The following DNAJC14 variants were observed in gnomAD, a reference collection of about 807,000 sequenced individuals.
DNAJC14 encodes the protein DnaJ heat shock protein family (Hsp40) member C14, also known as dnaJ homolog subfamily C member 14.
Under a neutral mutation model 68.8 loss-of-function variants are expected in DNAJC14, and 12 were observed. That is an observed-to-expected ratio of 0.17 (90% CI 0.11 to 0.28). The LOEUF is 0.28. DNAJC14 is among the 10% of genes least tolerant of loss of function. The pLI is 1.00. For missense variants in DNAJC14, 764 were observed against 875.6 expected (o/e 0.87, Z 1.61); for synonymous variants, 350 against 321.5 (o/e 1.09, Z -0.95).
In DNAJC14 at chr12:55,822,380, G is replaced by A. The variant is rs781027358; in HGVS notation, c.1891C>T (p.Arg631Trp). ...GACAGAAATACCACCTACCTCTGCCGCCCTCTGGTGCCTGGAATCCGAGAA... is the reference window on the plus strand; with the variant it reads ...GACAGAAATACCACCTACCTCTGCCACCCTCTGGTGCCTGGAATCCGAGAA... Reference protein sequence around the residue: ...FGSRIPGTRGRQRATPDAPPA... With the variant: ...FGSRIPGTRGWQRATPDAPPA... Residue 631 changes from arginine to tryptophan, a missense_variant, in exon 6 of 7, where the codon CGG (arginine) becomes TGG (tryptophan). By Grantham distance (101) the Arg-to-Trp change is moderately radical (BLOSUM62 -3). Around this residue, in one of 4 missense-constraint regions of DNAJC14, gnomAD observed 134 missense variants for 162.3 expected, o/e 0.83. Coordinates refer to ENST00000678005, the MANE Select transcript of DNAJC14 (RefSeq NM_032364.6). 3.3e-5 allele frequency: 54 copies of A among 1,612,174 alleles called. No homozygotes were observed. Among genetic ancestry groups the A allele is most frequent in the Non-Finnish European group, 4.1e-5 (48 of 1,179,890 alleles).
At chr12:55,826,438 C>CCAAAGTGCTGGGAT (rs1037378771) in intron 2 of DNAJC14, among the ~76,000 whole-genome samples, 7 of 151,744 alleles carry the variant, frequency 4.6e-5, no homozygotes, top group African/African-American at 1.7e-4. Flanking sequence ...GCCTGGCCTC[C>CCAAAGTGCTGGGAT]CAAAGTGCTG....
chr12:55,828,648 T>C lies in DNAJC14; in HGVS notation c.11A>G (p.Lys4Arg). MAQ[K>R]HPGERGLYGA... is the part of the protein sequence containing the mutation. ...ATACAACCCTCTTTCTCCGGGGTGC[T>C]TCTGGGCCATGACCCCGGGGCTTCC... The change falls in exon 2 of 7, where the codon AAG becomes AGG. Residue 4 changes from lysine to arginine, a missense_variant. By Grantham distance (26) the Lys-to-Arg change is conservative (BLOSUM62 2). This residue lies in a region of DNAJC14 where 514 missense variants were observed against 521.7 expected (regional missense o/e 0.99). Transcript: ENST00000678005. 5.0e-6 allele frequency: 8 copies of C among 1,612,678 alleles called. No individual in the cohort carries two copies. Among genetic ancestry groups the C allele is most frequent in the Non-Finnish European group, 6.8e-6 (8 of 1,178,968 alleles).
At chr12:55,823,638 C>G in intron 2 of DNAJC14, 130 bp from the exon 3 acceptor site, 2 of 698,036 alleles carry the variant, frequency 2.9e-6, no homozygotes, top group Admixed American at 2.5e-5. Context: ...ATTAACTGCT[C>G]TGACTCTGCA....
intron 2 of DNAJC14, among the ~76,000 whole-genome samples, chr12:55,826,948 G>A (rs1880812344): frequency 6.6e-6 from 1 of 152,096 alleles, no homozygotes; most frequent in African/African-American, 2.4e-5. Context: ...ACAGCACTTT[G>A]GGAGGCTGAG....
chr12:55,830,173 T>C (rs1476612849), upstream of DNAJC14: 1 of 152,036 alleles, frequency 6.6e-6, no homozygotes, highest in Non-Finnish European at 1.5e-5. Flanking sequence ...CTGCCCCTTA[T>C]ACCTGGATCC....
At position 55,827,961 on chromosome 12, in the gene DNAJC14, C is replaced by T. The variant is rs1165470177; in HGVS notation, c.698G>A (p.Arg233His). ...LGRKRSQADKRKGLGLWGAEE... is the reference protein window; with the variant it reads ...LGRKRSQADKHKGLGLWGAEE... ...GGCTCCCCACAATCCCAGGCCTTTGCGCTTATCTGCCTGACTTCGTTTCCG... is the reference window on the plus strand; with the variant it reads ...GGCTCCCCACAATCCCAGGCCTTTGTGCTTATCTGCCTGACTTCGTTTCCG... Residue 233 changes from arginine to histidine, a missense_variant, in exon 2 of 7, where the codon CGC becomes CAC. By Grantham distance (29) the Arg-to-His change is conservative. Transcript: ENST00000678005. 3 of 1,611,830 alleles carry T rather than the reference C, an allele frequency of 1.9e-6. No homozygotes were observed. Among genetic ancestry groups the T allele is most frequent in the South Asian group, 1.1e-5 (1 of 90,804 alleles).
At chr12:55,830,262 A>G (rs1427106592), upstream of DNAJC14, 1 of 152,080 alleles carries the variant, frequency 6.6e-6, no homozygotes, top group African/African-American at 2.4e-5. Flanking sequence ...CTCGGCTCAG[A>G]ACTTTGCCCG....
At position 55,822,656 on chromosome 12, in the gene DNAJC14, C is replaced by T; in HGVS notation, c.1711G>A (p.Gly571Arg). The stretch of plus-strand genomic sequence containing the variant: ...ATGCTTGACTCTGCCCAAAAGTCTC[C>T]TTCCTCAGCAGGATGCAGCCTATTA... Reference protein sequence around the residue: ...ECNRLHPAEEGDFWAESSMLG... With the variant: ...ECNRLHPAEERDFWAESSMLG... Residue 571 changes from glycine (G) to arginine (R), a missense_variant, in exon 5 of 7, where the codon GGA becomes AGA. Gly to Arg is a moderately radical substitution (Grantham distance 125). This residue lies in a region of DNAJC14 where 6 missense variants were observed against 28.9 expected (regional missense o/e 0.21). Coordinates refer to ENST00000678005, the MANE Select transcript of DNAJC14 (RefSeq NM_032364.6). The T allele has an allele frequency of 6.2e-7, 1 of 1,614,182 alleles. No individual in the cohort carries two copies. Among genetic ancestry groups the T allele is most frequent in the Non-Finnish European group, 8.5e-7 (1 of 1,180,032 alleles).
chr12:55,822,740 C>G lies in DNAJC14; in HGVS notation c.1635-8G>C, dbSNP rs200567712. On this transcript the variant is annotated splice_polypyrimidine_tract_variant and splice_region_variant and intron_variant, in intron 4 of 6. Transcript: ENST00000678005. ...CGGTCCATTTCAAACCTCCTGCAAC[C>G]AACAAAAGGATAGTTCCTTAATAAT... The G allele has an allele frequency of 4.0e-4, 650 of 1,613,534 alleles. No individual in the cohort carries two copies. Among genetic ancestry groups the G allele is most frequent in the Non-Finnish European group, 4.0e-4 (469 of 1,179,814 alleles).
In DNAJC14 at chr12:55,823,185, G is replaced by T. The variant is rs768051097; in HGVS notation, c.1519C>A (p.Arg507=). Residue 507 remains arginine, a synonymous_variant, in exon 4 of 7, where the codon CGA becomes AGA. Coordinates refer to ENST00000678005, the MANE Select transcript of DNAJC14 (RefSeq NM_032364.6). ...AEKRKEYEMK[R]MAENELSRSV... is the part of the protein sequence containing the mutation. ...CGGCTCAGCTCATTCTCTGCCATTCGTTTCCTAATAGAAGAAATGCTTTGT... is the reference window on the plus strand; with the variant it reads ...CGGCTCAGCTCATTCTCTGCCATTCTTTTCCTAATAGAAGAAATGCTTTGT... 2.5e-6 allele frequency: 4 copies of T among 1,614,040 alleles called. No homozygotes were observed. The Admixed American group carries it at 5.0e-5, about 20-fold the overall frequency.
intron 2 of DNAJC14, among the ~76,000 whole-genome samples, chr12:55,826,271 C>CTTTTTTTTTT (rs1164806475): frequency 4.7e-5 from 4 of 85,798 alleles, no homozygotes; most frequent in Admixed American, 1.4e-4. Flanking sequence ...GGGAAAATAT[C>CTTTTTTTTTT]TTTTTTTTTT....
chr12:55,829,075 G>A, intron 1 of DNAJC14: 2 of 991,634 alleles, frequency 2.0e-6, no homozygotes, highest in Non-Finnish European at 2.4e-6. Context: ...GGGCCATGCG[G>A]CCCTGGAGGA....
At position 55,822,518 on chromosome 12, in the gene DNAJC14, A is replaced by G. The variant is rs1880695987; in HGVS notation, c.1796-43T>C. On this transcript the variant is annotated intron_variant, in intron 5 of 6. Coordinates refer to ENST00000678005, the MANE Select transcript of DNAJC14 (RefSeq NM_032364.6). ...AATTAGCCAAAACGTCGCAGTTTAG[A>G]GCACATAAAAGATCAGGAAGTATGA... 5.6e-6 allele frequency: 9 copies of G among 1,613,826 alleles called. No individual in the cohort carries two copies. In the East Asian group the frequency reaches 1.6e-4, roughly 28 times the overall value.
chr12:55,829,071 T>C (rs777300113), intron 1 of DNAJC14: 2 of 991,216 alleles, frequency 2.0e-6, no homozygotes, highest in Non-Finnish European at 2.4e-6. Flanking sequence ...GTGGGGGCCA[T>C]GCGGCCCTGG....
chr12:55,829,074 G>C, intron 1 of DNAJC14: 1 of 991,926 alleles, frequency 1.0e-6, no homozygotes, highest in Non-Finnish European at 1.2e-6. Context: ...GGGGCCATGC[G>C]GCCCTGGAGG....
Position 55,827,442 on chromosome 12 carries a change from T to C in DNAJC14, c.1217A>G (p.Gln406Arg). Residue 406 changes from glutamine (Q) to arginine (R), a missense_variant, in exon 2 of 7, where the codon CAG becomes CGG. Coordinates refer to ENST00000678005, the MANE Select transcript of DNAJC14 (RefSeq NM_032364.6). ...WGWLELPWVK[Q>R]NINRQGNAPV... ...TGCATTCCCCTGCCTATTAATATTC[T>C]GCTTGACCCAAGGCAACTCCAGCCA... 1 of 1,607,634 alleles carries C rather than the reference T, an allele frequency of 6.2e-7. No homozygotes were observed. The highest frequency in any genetic ancestry group is 8.5e-7 in the Non-Finnish European group (1 of 1,175,948).
rs765918685 is a variant in DNAJC14 at position 55,827,886 on chromosome 12, A to T, written c.773T>A (p.Leu258Gln). The change falls in exon 2 of 7, where the codon CTG (leucine) becomes CAG (glutamine). Residue 258 changes from leucine (L) to glutamine (Q), a missense_variant. Around this residue, in one of 4 missense-constraint regions of DNAJC14, gnomAD observed 514 missense variants for 521.7 expected, o/e 0.99. Coordinates refer to ENST00000678005, the MANE Select transcript of DNAJC14 (RefSeq NM_032364.6). ...GQAGFWWLIE[L>Q]LVLVGEYVET... Reference sequence around the variant, plus strand: ...TACGTACTCTCCCACCAATACCAGCAGTTCAATCAGCCACCAAAAGCCTGC... The same window carrying T: ...TACGTACTCTCCCACCAATACCAGCTGTTCAATCAGCCACCAAAAGCCTGC... The T allele has an allele frequency of 1.8e-5, 29 of 1,610,166 alleles. No individual in the cohort carries two copies. The highest frequency in any genetic ancestry group is 1.6e-4 in the Middle Eastern group (1 of 6,064).
intron 4 of DNAJC14, among the ~76,000 whole-genome samples, 153 bp downstream of exon 4, chr12:55,822,917 T>C (rs113447598): frequency 1.1e-4 from 17 of 152,376 alleles, no homozygotes; most frequent in African/African-American, 3.6e-4. Context: ...ATCGTCAGTC[T>C]ATTGACAATA....
At chr12:55,829,696 A>G, upstream of DNAJC14, 6 of 805,474 alleles carry the variant, frequency 7.4e-6, no homozygotes, top group Non-Finnish European at 9.0e-6. Flanking sequence ...GCTGAGAGGC[A>G]AGCCAATCCA....
Sources: gnomAD v4.1 joint callset for allele counts (sites outside exome capture counted in the v4.1 genomes callset) on GRCh38, gnomAD v4.1.1 for gene constraint, gnomAD v4.1.1 regional missense constraint, MANE v1.5 for transcripts, NCBI Gene and HGNC (gene_info 2026-07-23, HGNC 2026-07-21) for gene names.